CAST: variants seen among roughly 807,000 people sequenced by gnomAD.
CAST encodes calpastatin.
CAST carries 76 observed loss-of-function variants against 119.6 expected under a neutral mutation model. The observed-to-expected ratio is 0.64, with a 90% CI of 0.53 to 0.77. CAST has a LOEUF of 0.77. CAST is among the 30% of genes least tolerant of loss of function. The pLI is 0.00. For synonymous variants in CAST, 319 were observed against 331.6 expected, an observed-to-expected ratio of 0.96 and a Z score of 0.41; for missense variants, 953 against 946.5, an observed-to-expected ratio of 1.01 and a Z score of -0.09.
At chr5:96,395,088 A>G in the CAST span, 3 of 1,232,826 alleles carry the variant, frequency 2.4e-6, no homozygotes, top group Admixed American at 3.4e-5. Flanking sequence ...AACTCATTCA[A>G]AATAGCTAAA....
At chr5:96,666,814 T>C (rs1749396708) in intron 1 of CAST, among the ~76,000 whole-genome samples, 1 of 152,172 alleles carries the variant, frequency 6.6e-6, no homozygotes, top group Non-Finnish European at 1.5e-5. Context: ...GCTATAGCCT[T>C]CTGGGGGTGG....
the CAST span, among the ~76,000 whole-genome samples, chr5:96,414,975 T>C: frequency 1.3e-5 from 2 of 152,254 alleles, no homozygotes; most frequent in African/African-American, 4.8e-5. Context: ...AAATGCAAGG[T>C]ATACTCATGT....
At chr5:96,433,279 A>G in the CAST span, 2 of 566,702 alleles carry the variant, frequency 3.5e-6, no homozygotes. Context: ...CCAGAATGGA[A>G]ATGAGTGTTT....
At chr5:96,692,906 C>T (rs1249527116) in intron 2 of CAST, among the ~76,000 whole-genome samples, 1 of 152,182 alleles carries the variant, frequency 6.6e-6, no homozygotes, top group Non-Finnish European at 1.5e-5. Flanking sequence ...GGACCAGGCT[C>T]ATAGTTTTCC....
chr5:96,229,784 A>G, the CAST span, among the ~76,000 whole-genome samples: 10 of 152,194 alleles, frequency 6.6e-5, no homozygotes, highest in African/African-American at 2.4e-4. Context: ...AGAAATGTGA[A>G]GAGGAAAACT....
chr5:96,688,883 C>T (rs1752386376), intron 2 of CAST, among the ~76,000 whole-genome samples: 1 of 152,034 alleles, frequency 6.6e-6, no homozygotes, highest in Non-Finnish European at 1.5e-5. Flanking sequence ...TCTGCTTAGA[C>T]CTTAAAGAGA....
chr5:96,724,848 TAA>T (rs34003204), intron 4 of CAST, among the ~76,000 whole-genome samples: 1 of 151,856 alleles, frequency 6.6e-6, no homozygotes, highest in Non-Finnish European at 1.5e-5. Context: ...AATAAATAAA[TAA>T]ATAATCTCAT....
the CAST span, among the ~76,000 whole-genome samples, chr5:96,118,816 A>C: frequency 6.7e-6 from 1 of 150,154 alleles, no homozygotes; most frequent in Non-Finnish European, 1.5e-5. Flanking sequence ...GTTTCAGCAT[A>C]CTTTTTTTTT....
At chr5:96,680,987 GC>G (rs1751345723) in intron 2 of CAST, among the ~76,000 whole-genome samples, 2 of 152,362 alleles carry the variant, frequency 1.3e-5, no homozygotes, top group Non-Finnish European at 2.9e-5. Context: ...GGGATATCTA[GC>G]CCCAAGAGGC....
At chr5:96,041,433 G>A in the CAST span, among the ~76,000 whole-genome samples, 1 of 152,086 alleles carries the variant, frequency 6.6e-6, no homozygotes, top group Non-Finnish European at 1.5e-5. Flanking sequence ...CTGAGAACCT[G>A]TCATAGCCAA....
At chr5:96,108,408 G>T in the CAST span, among the ~76,000 whole-genome samples, 2 of 152,112 alleles carry the variant, frequency 1.3e-5, no homozygotes, top group Non-Finnish European at 2.9e-5. Context: ...TTTTGGTGTG[G>T]ATGTCCTTTC....
At chr5:95,972,672 A>C in the CAST span, among the ~76,000 whole-genome samples, 1 of 152,142 alleles carries the variant, frequency 6.6e-6, no homozygotes, top group Non-Finnish European at 1.5e-5. Flanking sequence ...CTTTCTCTTA[A>C]AGTATCTTTT....
intron 1 of CAST, among the ~76,000 whole-genome samples, chr5:96,638,267 G>A (rs1177758682): frequency 7.9e-5 from 12 of 152,048 alleles, no homozygotes; most frequent in East Asian, 1.9e-4. Context: ...TTAGCCAGCC[G>A]TGGTGGTACA....
chr5:96,427,805 CTCTT>C, the CAST span, among the ~76,000 whole-genome samples: 1 of 152,188 alleles, frequency 6.6e-6, no homozygotes, highest in Non-Finnish European at 1.5e-5. Flanking sequence ...AAGGAAATCT[CTCTT>C]CTGCTTAGCC....
chr5:96,553,230 A>C (rs1262888483), intron 1 of CAST, among the ~76,000 whole-genome samples: 1 of 152,246 alleles, frequency 6.6e-6, no homozygotes, highest in Non-Finnish European at 1.5e-5. Context: ...AGTGGGCTTC[A>C]TCCCTGGGAT....
At chr5:96,568,552 G>A (rs1436071046) in intron 1 of CAST, among the ~76,000 whole-genome samples, 4 of 120,050 alleles carry the variant, frequency 3.3e-5, no homozygotes, top group South Asian at 2.9e-4. Context: ...GCGACAGAGC[G>A]AGACTCCATC....
chr5:96,521,816 C>G (rs182870322), upstream of CAST, among the ~76,000 whole-genome samples: 1 of 152,142 alleles, frequency 6.6e-6, no homozygotes, highest in Non-Finnish European at 1.5e-5. Context: ...CAGCTCTTCA[C>G]TGTGCTATAT....
chr5:96,431,997 C>T, the CAST span: 2 of 928,556 alleles, frequency 2.2e-6, no homozygotes, highest in Non-Finnish European at 3.4e-6. Context: ...TTGACGCCCA[C>T]CCACCTCCAA....
the CAST span, among the ~76,000 whole-genome samples, chr5:96,403,480 G>C: frequency 6.6e-6 from 1 of 152,174 alleles, no homozygotes; most frequent in East Asian, 1.9e-4. Context: ...TCGTGTGCTT[G>C]TATTTCATAA....
Sources: gnomAD v4.1 joint callset for allele counts (sites outside exome capture counted in the v4.1 genomes callset) on GRCh38, gnomAD v4.1.1 for gene constraint, MANE v1.5 for transcripts, NCBI Gene and HGNC (gene_info 2026-07-23, HGNC 2026-07-21) for gene names.